Variants in LARGE1 observed in about 807,000 individuals in gnomAD.
LARGE1 encodes the protein LARGE xylosyl- and glucuronyltransferase 1, also known as xylosyl- and glucuronyltransferase LARGE1.
In LARGE1, 43 loss-of-function variants were observed where a neutral mutation model predicts 87.6. The observed-to-expected ratio is 0.49, with a 90% CI of 0.38 to 0.63. The LOEUF (loss-of-function observed/expected upper bound fraction) is 0.63, where lower values mean the gene tolerates loss of function less well. LARGE1 is among the 30% of genes least tolerant of loss of function. LARGE1 has a pLI of 0.00. For missense variants in LARGE1, 802 were observed against 1,000.2 expected, an observed-to-expected ratio of 0.80 and a Z score of 2.67; for synonymous variants, 434 against 394.6, an observed-to-expected ratio of 1.10 and a Z score of -1.18.
At chr22:33,601,260 T>C (rs1190114407) in intron 5 of LARGE1, among the ~76,000 whole-genome samples, 1 of 152,148 alleles carries the variant, frequency 6.6e-6, no homozygotes, top group African/African-American at 2.4e-5. Context: ...GAAAAACACT[T>C]GCCATTGTGC....
intron 1 of LARGE1, among the ~76,000 whole-genome samples, chr22:33,779,499 G>T (rs2145880984): frequency 6.6e-6 from 1 of 152,284 alleles, no homozygotes; most frequent in African/African-American, 2.4e-5. Context: ...AAAACAAAAG[G>T]CCAGGCGTGG....
chr22:33,354,826 C>T (rs1443385020), intron 9 of LARGE1, among the ~76,000 whole-genome samples: 2 of 151,968 alleles, frequency 1.3e-5, no homozygotes, highest in South Asian at 2.1e-4. Flanking sequence ...TATAACATGC[C>T]CTTAAAACTA....
chr22:33,298,313 G>C lies in LARGE1; in HGVS notation c.1730+5916C>G, dbSNP rs534093511. Among the ~76,000 whole-genome samples, 202 of 152,298 alleles carry C rather than the reference G, an allele frequency of 1.3e-3. 1 individual carries two copies. The highest frequency in any genetic ancestry group is 4.7e-3 in the African/African-American group (195 of 41,562). On this transcript the variant is annotated intron_variant, in intron 12 of 14. Transcript: ENST00000397394. ...TTTGTCTCCCCTGTTCACTGTTCTA[G>C]CCCCAGCACCTGAAACAGTGCCTGG...
intron 6 of LARGE1, among the ~76,000 whole-genome samples, chr22:33,533,375 CG>C (rs1321277022): frequency 4.6e-5 from 7 of 152,162 alleles, no homozygotes; most frequent in Admixed American, 3.9e-4. Context: ...GGGTTCCATT[CG>C]AGCACCTTCC....
At chr22:33,501,980 G>T (rs1254136577) in intron 6 of LARGE1, among the ~76,000 whole-genome samples, 3 of 152,092 alleles carry the variant, frequency 2.0e-5, no homozygotes, top group African/African-American at 7.2e-5. Flanking sequence ...ATCACCTGAG[G>T]TCAGGAGTTT....
intron 11 of LARGE1, among the ~76,000 whole-genome samples, chr22:33,239,265 A>G (rs1239328177): frequency 9.9e-5 from 15 of 152,114 alleles, no homozygotes; most frequent in Admixed American, 9.8e-4. Context: ...CAGTCTACTT[A>G]AATACATATT....
At chr22:33,449,591 G>A (rs577776529) in intron 6 of LARGE1, among the ~76,000 whole-genome samples, 12 of 152,318 alleles carry the variant, frequency 7.9e-5, no homozygotes, top group South Asian at 2.1e-4. Context: ...AAGATGCTCC[G>A]TCTATGGTGA....
intron 11 of LARGE1, among the ~76,000 whole-genome samples, chr22:33,171,595 C>A (rs1922575283): frequency 6.6e-6 from 1 of 152,178 alleles, no homozygotes. Context: ...CTAAAAGGGC[C>A]AAAGTACAGC....
intron 11 of LARGE1, among the ~76,000 whole-genome samples, chr22:33,206,653 C>A (rs1472348737): frequency 6.6e-6 from 1 of 152,130 alleles, no homozygotes; most frequent in African/African-American, 2.4e-5. Context: ...ATAGCACAGT[C>A]CAATAGGTCT....
At chr22:33,615,214 C>T (rs946618530) in intron 4 of LARGE1, among the ~76,000 whole-genome samples, 1 of 151,702 alleles carries the variant, frequency 6.6e-6, no homozygotes, top group Non-Finnish European at 1.5e-5. Flanking sequence ...TTTTTACAGC[C>T]CCTTACAGGT....
At chr22:33,449,361 G>A (rs2067819501) in intron 6 of LARGE1, among the ~76,000 whole-genome samples, 1 of 152,174 alleles carries the variant, frequency 6.6e-6, no homozygotes, top group South Asian at 2.1e-4. Flanking sequence ...GTATCCCTAG[G>A]CAGGGCTGTG....
intron 11 of LARGE1, among the ~76,000 whole-genome samples, chr22:33,226,057 C>T (rs187143048): frequency 1.3e-5 from 2 of 152,288 alleles, no homozygotes; most frequent in Admixed American, 1.3e-4. Context: ...AATTTACATT[C>T]CTTTGGGTAT....
chr22:33,724,788 T>C (rs1375066513), intron 2 of LARGE1: 1 of 152,254 alleles, frequency 6.6e-6, no homozygotes, highest in Non-Finnish European at 1.5e-5. Context: ...GTACTGAACA[T>C]GACCAACCAA....
At chr22:33,356,807 G>A (rs1380148657) in intron 9 of LARGE1, among the ~76,000 whole-genome samples, 1 of 152,090 alleles carries the variant, frequency 6.6e-6, no homozygotes, top group Non-Finnish European at 1.5e-5. Context: ...AGAAAGAGAA[G>A]AGAAAACAAA....
At position 33,487,296 on chromosome 22, in the gene LARGE1, C is replaced by A. The variant is rs147619083; in HGVS notation, c.788-55031G>T. Among the ~76,000 whole-genome samples the A allele has an allele frequency of 2.5e-3, 379 of 152,342 alleles. 2 individuals carry two copies. Among genetic ancestry groups the A allele is most frequent in the Non-Finnish European group, 4.2e-3 (285 of 68,032 alleles). The stretch of plus-strand genomic sequence containing the variant: ...TGGTGAGACAGATGCAATTCACTAG[C>A]ATCAGGAGTTGGAAAGCTGCTTCCT... On this transcript the variant is annotated intron_variant, in intron 6 of 14. Coordinates refer to ENST00000397394, the MANE Select transcript of LARGE1 (RefSeq NM_133642.5).
intron 2 of LARGE1, among the ~76,000 whole-genome samples, chr22:33,679,701 G>C (rs1417223709): frequency 6.6e-6 from 1 of 152,136 alleles, no homozygotes; most frequent in African/African-American, 2.4e-5. Flanking sequence ...AATTAGCCAG[G>C]TGTGATGGCA....
At chr22:33,193,172 T>C (rs1329296146) in intron 11 of LARGE1, among the ~76,000 whole-genome samples, 2 of 152,092 alleles carry the variant, frequency 1.3e-5, no homozygotes, top group Non-Finnish European at 2.9e-5. Flanking sequence ...GAGAAGAGTG[T>C]GGGTAGACAA....
intron 5 of LARGE1, among the ~76,000 whole-genome samples, chr22:33,590,943 C>T (rs5999026): frequency 9.2e-5 from 14 of 152,354 alleles, no homozygotes; most frequent in African/African-American, 3.1e-4. Flanking sequence ...TGGCTCACAC[C>T]TGTAATCCCA....
chr22:33,095,821 G>A, the LARGE1 span, among the ~76,000 whole-genome samples: 2 of 152,256 alleles, frequency 1.3e-5, no homozygotes, highest in African/African-American at 4.8e-5. Context: ...TCCCAGTAGT[G>A]TGTCCTCTGC....
Sources: gnomAD v4.1 joint callset for allele counts (sites outside exome capture counted in the v4.1 genomes callset) on GRCh38, gnomAD v4.1.1 for gene constraint, MANE v1.5 for transcripts, NCBI Gene and HGNC (gene_info 2026-07-23, HGNC 2026-07-21) for gene names.